The following MARCHF1 variants were observed in gnomAD, a reference collection of about 807,000 sequenced individuals.
The protein encoded by MARCHF1 is E3 ubiquitin-protein ligase MARCHF1.
Under a neutral mutation model 54.2 loss-of-function variants are expected in MARCHF1, and 40 were observed. The observed-to-expected ratio is 0.74, with a 90% CI of 0.57 to 0.96. MARCHF1 has a LOEUF of 0.96. MARCHF1 is among the 40% of genes least tolerant of loss of function. The pLI is 0.00. For missense variants in MARCHF1, 586 were observed against 656.5 expected (o/e 0.89, Z 1.17); for synonymous variants, 236 against 236.3 (o/e 1.00, Z 0.01).
At chr4:163,642,233 G>C (rs954562327) in intron 5 of MARCHF1, among the ~76,000 whole-genome samples, 2 of 152,156 alleles carry the variant, frequency 1.3e-5, no homozygotes, top group African/African-American at 4.8e-5. Context: ...TTTAAGACCT[G>C]ATTTTAGGTT....
intron 2 of MARCHF1, among the ~76,000 whole-genome samples, chr4:164,100,376 G>T (rs1413817539): frequency 1.3e-5 from 2 of 152,200 alleles, no homozygotes; most frequent in Admixed American, 6.5e-5. Flanking sequence ...TCTTCTCATA[G>T]ACATATCCAA....
At chr4:163,615,857 T>C (rs534517878) in intron 5 of MARCHF1, among the ~76,000 whole-genome samples, 1 of 152,234 alleles carries the variant, frequency 6.6e-6, no homozygotes, top group East Asian at 1.9e-4. Context: ...CAAAAGAGCA[T>C]GGCATTGTTA....
chr4:164,346,822 T>C (rs576616114), intron 1 of MARCHF1, among the ~76,000 whole-genome samples: 1 of 151,912 alleles, frequency 6.6e-6, no homozygotes, highest in East Asian at 1.9e-4. Flanking sequence ...GAATGCAGAT[T>C]TGCAGAGAAC....
intron 4 of MARCHF1, among the ~76,000 whole-genome samples, chr4:163,846,035 A>G (rs1007382174): frequency 6.6e-6 from 1 of 152,170 alleles, no homozygotes; most frequent in East Asian, 1.9e-4. Context: ...AATTTCTCTC[A>G]TTTGTTTGTG....
At chr4:164,336,257 T>A (rs976197999) in intron 1 of MARCHF1, among the ~76,000 whole-genome samples, 3 of 152,200 alleles carry the variant, frequency 2.0e-5, no homozygotes, top group Non-Finnish European at 1.5e-5. Flanking sequence ...ACATCCTTAG[T>A]AAACATTAAG....
Position 164,283,814 on chromosome 4 carries a change from G to A in MARCHF1, c.-323+100056C>T, listed in dbSNP as rs115884394. On this transcript the variant is annotated intron_variant, in intron 1 of 9. Coordinates refer to ENST00000514618, the MANE Select transcript of MARCHF1 (RefSeq NM_001394959.1). ...ATGCAGGAGGGAGTGTATACAGAGG[G>A]TCATGAAGAAGGGGATATCATGGAA... 4.5e-3 allele frequency among the ~76,000 whole-genome samples: 673 copies of A among 150,998 alleles called. 28 individuals are homozygous for A. The highest frequency in any genetic ancestry group is 0.015 in the African/African-American group (638 of 41,222).
intron 2 of MARCHF1, among the ~76,000 whole-genome samples, chr4:164,098,375 GAAC>G (rs1475845949): frequency 6.6e-6 from 1 of 152,118 alleles, no homozygotes; most frequent in East Asian, 1.9e-4. Context: ...CTGAAATAGA[GAAC>G]AAAAAACTCA....
intron 3 of MARCHF1, among the ~76,000 whole-genome samples, chr4:163,907,007 A>C (rs1751083820): frequency 6.6e-6 from 1 of 152,062 alleles, no homozygotes; most frequent in Admixed American, 6.6e-5. Flanking sequence ...TATGTGATGC[A>C]TTCCTTTTTA....
At chr4:163,920,676 C>T (rs1227193059) in intron 3 of MARCHF1, among the ~76,000 whole-genome samples, 6 of 152,088 alleles carry the variant, frequency 3.9e-5, no homozygotes, top group African/African-American at 1.2e-4. Context: ...GCATTCCCTG[C>T]CCCCACAGGA....
In MARCHF1 at chr4:164,199,632, TCACACACACACACACA is replaced by T. The variant is rs376565727; in HGVS notation, c.-322-87986_-322-87971del. ...GCCTGGGTGACAGAGCAGGACTCTGTCACACACACACACACACACACACACACACACACACACACAC... is the reference window on the plus strand; with the variant it reads ...GCCTGGGTGACAGAGCAGGACTCTGTCACACACACACACACACACACACAC... On this transcript the variant is annotated intron_variant, in intron 1 of 9. Coordinates refer to ENST00000514618, the MANE Select transcript of MARCHF1 (RefSeq NM_001394959.1). Among the ~76,000 whole-genome samples, 326 of 114,800 alleles carry T rather than the reference TCACACACACACACACA, an allele frequency of 2.8e-3. 4 individuals carry two copies. The East Asian group carries it at 0.032, about 11-fold the overall frequency. 75.3% of individuals were successfully genotyped at this position (114,800 alleles called of 152,430 possible).
intron 3 of MARCHF1, among the ~76,000 whole-genome samples, chr4:163,855,347 T>C (rs1749742934): frequency 6.6e-6 from 1 of 152,194 alleles, no homozygotes; most frequent in Admixed American, 6.5e-5. Context: ...AAAACAATTG[T>C]TTGAATGGGC....
intron 2 of MARCHF1, among the ~76,000 whole-genome samples, chr4:164,016,915 C>A (rs1293589308): frequency 1.3e-5 from 2 of 151,754 alleles, no homozygotes; most frequent in Non-Finnish European, 2.9e-5. Context: ...ATCACATGTA[C>A]CCTATAAATA....
intron 1 of MARCHF1, among the ~76,000 whole-genome samples, chr4:164,157,748 A>C (rs76903954): frequency 6.6e-6 from 1 of 152,176 alleles, no homozygotes; most frequent in East Asian, 1.9e-4. Context: ...AAAAGACACC[A>C]GTATACTGGA....
chr4:163,951,273 T>C (rs1376925129), intron 3 of MARCHF1, among the ~76,000 whole-genome samples: 1 of 152,226 alleles, frequency 6.6e-6, no homozygotes, highest in African/African-American at 2.4e-5. Flanking sequence ...TGGCTCTTTT[T>C]TTCACCGTTA....
chr4:163,945,304 A>T (rs1263393377), intron 3 of MARCHF1, among the ~76,000 whole-genome samples: 2 of 152,122 alleles, frequency 1.3e-5, no homozygotes, highest in Non-Finnish European at 2.9e-5. Context: ...TGGAGACTAG[A>T]CGAGTCAATA....
At chr4:163,569,515 G>C (rs745591835) in intron 8 of MARCHF1, among the ~76,000 whole-genome samples, 5 of 152,098 alleles carry the variant, frequency 3.3e-5, no homozygotes, top group Admixed American at 2.0e-4. Flanking sequence ...TCATGTTCCA[G>C]ATATGATGCT....
At chr4:163,878,623 T>G (rs1338465905) in intron 3 of MARCHF1, among the ~76,000 whole-genome samples, 1 of 152,196 alleles carries the variant, frequency 6.6e-6, no homozygotes, top group Non-Finnish European at 1.5e-5. Context: ...AATCCATTTC[T>G]CTCTTGGATG....
At chr4:164,040,677 A>G (rs1162590140) in intron 2 of MARCHF1, among the ~76,000 whole-genome samples, 3 of 151,952 alleles carry the variant, frequency 2.0e-5, no homozygotes, top group African/African-American at 7.2e-5. Flanking sequence ...GTAAATATAT[A>G]CATGGCAATG....
At chr4:163,955,697 T>C (rs762938701) in intron 3 of MARCHF1, among the ~76,000 whole-genome samples, 2 of 152,162 alleles carry the variant, frequency 1.3e-5, no homozygotes, top group Non-Finnish European at 2.9e-5. Flanking sequence ...ACAGCACTTA[T>C]GTCATGGCTG....
Sources: gnomAD v4.1 joint callset for allele counts (sites outside exome capture counted in the v4.1 genomes callset) on GRCh38, gnomAD v4.1.1 for gene constraint, MANE v1.5 for transcripts, NCBI Gene and HGNC (gene_info 2026-07-23, HGNC 2026-07-21) for gene names.